The following ZNF366 variants were observed in gnomAD, a reference collection of about 807,000 sequenced individuals.
ZNF366 encodes zinc finger protein 366, also known as dendritic cell-specific transcript protein.
A neutral mutation model predicts 47.2 loss-of-function variants in ZNF366; 20 were observed. That is an observed-to-expected ratio of 0.42 (90% CI 0.30 to 0.62). The LOEUF (loss-of-function observed/expected upper bound fraction) is 0.62, where lower values mean the gene tolerates loss of function less well. ZNF366 is among the 20% of genes least tolerant of loss of function. ZNF366 has a pLI of 0.16. For synonymous variants in ZNF366, 421 were observed against 395.1 expected (o/e 1.07, Z -0.78); for missense variants, 987 against 976.3 (o/e 1.01, Z -0.15).
chr5:72,491,152 A>G (rs553393323), intron 1 of ZNF366, among the ~76,000 whole-genome samples: 22 of 152,346 alleles, frequency 1.4e-4, no homozygotes, highest in African/African-American at 4.8e-4. Context: ...ACATTCCTTG[A>G]TAGTATGCAA....
rs746514644 is a variant in ZNF366 at position 72,460,869 on chromosome 5, C to T, written c.628G>A (p.Glu210Lys). ...RHTFLPKQPP[E>K]PLLPRKAEPQ... ...TCGGCTTTCCGGGGCAGCAGAGGTT[C>T]CGGGGGCTGCTTGGGCAGGAAGGTG... is the stretch of plus-strand genomic sequence containing the variant. The change falls in exon 2 of 5, where the codon GAA becomes AAA. Residue 210 changes from glutamate (E) to lysine (K), a missense_variant. Around this residue, in one of 3 missense-constraint regions of ZNF366, gnomAD observed 591 missense variants for 560.9 expected, o/e 1.05. Coordinates refer to ENST00000318442, the MANE Select transcript of ZNF366 (RefSeq NM_152625.3). 45 of 1,613,772 alleles carry T rather than the reference C, an allele frequency of 2.8e-5. No individual in the cohort carries two copies. In the Middle Eastern group the frequency reaches 8.2e-4, roughly 29 times the overall value.
At chr5:72,445,904 C>G (rs1362753445) in intron 4 of ZNF366, among the ~76,000 whole-genome samples, 1 of 152,198 alleles carries the variant, frequency 6.6e-6, no homozygotes, top group African/African-American at 2.4e-5. Flanking sequence ...CAAACTCCAG[C>G]CCTTTTTTTG....
intron 1 of ZNF366, among the ~76,000 whole-genome samples, chr5:72,504,153 G>C (rs1744273743): frequency 6.6e-6 from 1 of 152,120 alleles, no homozygotes; most frequent in Non-Finnish European, 1.5e-5. Context: ...CTGTTTCTCT[G>C]TGTGAAGGTG....
chr5:72,504,806 TTA>T (rs2112361194), intron 1 of ZNF366, among the ~76,000 whole-genome samples: 1 of 152,312 alleles, frequency 6.6e-6, no homozygotes, highest in South Asian at 2.1e-4. Flanking sequence ...TTGCCAAACA[TTA>T]TGTTAAGTGT....
chr5:72,481,510 T>C (rs1203225476), intron 1 of ZNF366, among the ~76,000 whole-genome samples: 1 of 152,216 alleles, frequency 6.6e-6, no homozygotes, highest in African/African-American at 2.4e-5. Context: ...CCTTGTTACA[T>C]CTCTATCATT....
chr5:72,451,217 C>T (rs1465918788), intron 3 of ZNF366, among the ~76,000 whole-genome samples: 1 of 152,266 alleles, frequency 6.6e-6, no homozygotes, highest in Non-Finnish European at 1.5e-5. Flanking sequence ...CGCATCTCCA[C>T]CAGCGTGCCC....
rs1554031613 is a variant in ZNF366 at position 72,462,547 on chromosome 5, C to CTTTTTTTCT, written c.-14-1038_-14-1037insAGAAAAAAA. ...TCTTTCTTTCTTTCTTTCTTTCTTT[C>CTTTTTTTCT]TTTTTTTTTTTTTTTGGAGATGGAG... On this transcript the variant is annotated intron_variant, in intron 1 of 4. Coordinates refer to ENST00000318442, the MANE Select transcript of ZNF366 (RefSeq NM_152625.3). Among the ~76,000 whole-genome samples, 13 of 78,930 alleles carry CTTTTTTTCT rather than the reference C, an allele frequency of 1.6e-4. 1 individual carries two copies. The highest frequency in any genetic ancestry group is 7.8e-4 in the African/African-American group (13 of 16,752). 51.8% of individuals were successfully genotyped at this position (78,930 alleles called of 152,430 possible).
intron 1 of ZNF366, among the ~76,000 whole-genome samples, chr5:72,503,515 G>A (rs1292668404): frequency 6.7e-6 from 1 of 149,982 alleles, no homozygotes; most frequent in South Asian, 2.1e-4. Flanking sequence ...AAACAAGCCC[G>A]TAGGTGAATT....
intron 1 of ZNF366, among the ~76,000 whole-genome samples, chr5:72,505,014 CCAG>C (rs1428480784): frequency 1.3e-5 from 2 of 152,112 alleles, no homozygotes; most frequent in Non-Finnish European, 2.9e-5. Context: ...GACTCACATC[CCAG>C]CACACAGATC....
chr5:72,451,229 C>T (rs1235938287), intron 3 of ZNF366, among the ~76,000 whole-genome samples: 1 of 152,252 alleles, frequency 6.6e-6, no homozygotes, highest in African/African-American at 2.4e-5. Context: ...AGCGTGCCCC[C>T]GCTTGACCTC....
At chr5:72,470,635 A>G (rs1379435813) in intron 1 of ZNF366, among the ~76,000 whole-genome samples, 1 of 152,218 alleles carries the variant, frequency 6.6e-6, no homozygotes, top group Non-Finnish European at 1.5e-5. Flanking sequence ...TCCAATCATT[A>G]CTTGGAAATT....
chr5:72,488,404 C>T (rs1200048656), intron 1 of ZNF366, among the ~76,000 whole-genome samples: 2 of 152,002 alleles, frequency 1.3e-5, no homozygotes, highest in Non-Finnish European at 2.9e-5. Flanking sequence ...TGGGAACATC[C>T]CTTTCCCTGG....
At chr5:72,479,837 C>G (rs1418673532) in intron 1 of ZNF366, among the ~76,000 whole-genome samples, 2 of 152,142 alleles carry the variant, frequency 1.3e-5, no homozygotes. Context: ...GCTTAGATGA[C>G]TGGAAGGTAT....
chr5:72,481,202 A>C (rs919519205), intron 1 of ZNF366, among the ~76,000 whole-genome samples: 1 of 152,192 alleles, frequency 6.6e-6, no homozygotes, highest in African/African-American at 2.4e-5. Flanking sequence ...AGATATATTA[A>C]AAGACAAAAT....
At chr5:72,450,215 A>T (rs4703888) in intron 3 of ZNF366, among the ~76,000 whole-genome samples, 123,949 of 151,904 alleles carry the variant, frequency 0.82, 51,068 homozygotes, top group East Asian at 0.96. Flanking sequence ...ACCTTACACC[A>T]CAAGTAAGGT....
intron 1 of ZNF366, among the ~76,000 whole-genome samples, chr5:72,474,041 G>C (rs1189233055): frequency 6.6e-6 from 1 of 152,218 alleles, no homozygotes; most frequent in African/African-American, 2.4e-5. Flanking sequence ...TTCAGAATCA[G>C]AATGAATTAA....
At chr5:72,482,317 C>T (rs916388000) in intron 1 of ZNF366, among the ~76,000 whole-genome samples, 1 of 152,156 alleles carries the variant, frequency 6.6e-6, no homozygotes, top group Admixed American at 6.5e-5. Context: ...TTAGGATAAA[C>T]TTGATAAACC....
At chr5:72,472,478 C>T (rs1743587049) in intron 1 of ZNF366, 3 of 892,348 alleles carry the variant, frequency 3.4e-6, no homozygotes, top group Non-Finnish European at 4.0e-6. Context: ...GTGCCACAGC[C>T]TTCCCTACCA....
Position 72,456,514 on chromosome 5 carries a change from T to A in ZNF366, c.1414A>T (p.Thr472Ser). 1 of 1,614,046 alleles carries A rather than the reference T, an allele frequency of 6.2e-7. No individual in the cohort carries two copies. Among genetic ancestry groups the A allele is most frequent in the South Asian group, 1.1e-5 (1 of 91,058 alleles). The stretch of plus-strand genomic sequence containing the variant: ...TGACACTGGTAGGCGCGGATGTTGG[T>A]GTGGATCAGCACGTGTCGCTTCATG... Reference protein sequence around the residue: ...ANMKRHVLIHTNIRAYQCHLC... With the variant: ...ANMKRHVLIHSNIRAYQCHLC... Residue 472 changes from threonine to serine, a missense_variant, in exon 3 of 5, where the codon ACC (threonine) becomes TCC (serine). Around this residue, in one of 3 missense-constraint regions of ZNF366, gnomAD observed 111 missense variants for 180.5 expected, o/e 0.61. Transcript: ENST00000318442.
Sources: gnomAD v4.1 joint callset for allele counts (sites outside exome capture counted in the v4.1 genomes callset) on GRCh38, gnomAD v4.1.1 for gene constraint, gnomAD v4.1.1 regional missense constraint, MANE v1.5 for transcripts, NCBI Gene and HGNC (gene_info 2026-07-23, HGNC 2026-07-21) for gene names.